TYW1B: variants seen among roughly 807,000 people sequenced by gnomAD.
TYW1B encodes S-adenosyl-L-methionine-dependent tRNA 4-demethylwyosine synthase TYW1B.
A neutral mutation model predicts 86.9 loss-of-function variants in TYW1B; 73 were observed. The ratio of observed to expected loss-of-function variants is 0.84; its 90% CI spans 0.70 to 1.02. The LOEUF (loss-of-function observed/expected upper bound fraction) is 1.02, where lower values mean the gene tolerates loss of function less well. Ranked by LOEUF, TYW1B falls within the 50% of genes least tolerant of loss-of-function variation. TYW1B has a pLI of 0.00. For synonymous variants in TYW1B, 248 were observed against 292.8 expected (o/e 0.85, Z 1.56); for missense variants, 637 against 827.4 (o/e 0.77, Z 2.82).
At chr7:72,821,372 A>G (rs756620409) in intron 2 of TYW1B, among the ~76,000 whole-genome samples, 26 of 152,270 alleles carry the variant, frequency 1.7e-4, no homozygotes, top group Non-Finnish European at 2.8e-4. Context: ...CTGCAAGGAC[A>G]TCTGCCCAGC....
chr7:72,681,788 T>C (rs1813881088), intron 11 of TYW1B, among the ~76,000 whole-genome samples: 1 of 151,556 alleles, frequency 6.6e-6, no homozygotes, highest in Non-Finnish European at 1.5e-5. Context: ...GGTTTCACCG[T>C]GTTAGCCAGG....
chr7:72,809,129 G>A (rs1554477419), intron 4 of TYW1B, among the ~76,000 whole-genome samples: 1 of 139,840 alleles, frequency 7.2e-6, no homozygotes, highest in Non-Finnish European at 1.5e-5. Flanking sequence ...TGCAATCTCC[G>A]CCTCCCAAGT....
intron 11 of TYW1B, among the ~76,000 whole-genome samples, chr7:72,639,391 C>T (rs1554441214): frequency 1.3e-5 from 2 of 151,944 alleles, no homozygotes; most frequent in East Asian, 3.9e-4. Flanking sequence ...GGTCTTGAAC[C>T]CCTGGACTCA....
chr7:72,725,632 G>A (rs1266636316), intron 9 of TYW1B, among the ~76,000 whole-genome samples: 8 of 152,094 alleles, frequency 5.3e-5, no homozygotes, highest in African/African-American at 1.2e-4. Flanking sequence ...TAGATTGCCC[G>A]TCATAATGTG....
Position 72,631,315 on chromosome 7 carries a change from C to T in TYW1B, c.1507-2318G>A, listed in dbSNP as rs543048009. Among the ~76,000 whole-genome samples, 3 of 152,212 alleles carry T rather than the reference C, an allele frequency of 2.0e-5. No homozygotes were observed. In the South Asian group the frequency reaches 6.2e-4, roughly 32 times the overall value. On this transcript the variant is annotated intron_variant, in intron 11 of 13. Transcript: ENST00000620995. Reference sequence around the variant, plus strand: ...CTCACTTGAGGTCAGGAGTTCGAGGCCAGCCTGGTCAACGTGGTGAAACCC... The same window carrying T: ...CTCACTTGAGGTCAGGAGTTCGAGGTCAGCCTGGTCAACGTGGTGAAACCC...
intron 4 of TYW1B, among the ~76,000 whole-genome samples, chr7:72,809,128 C>G (rs1487487068): frequency 1.3e-5 from 2 of 148,564 alleles, no homozygotes; most frequent in Non-Finnish European, 3.0e-5. Flanking sequence ...CTGCAATCTC[C>G]GCCTCCCAAG....
intron 9 of TYW1B, among the ~76,000 whole-genome samples, chr7:72,722,334 T>C (rs534838065): frequency 4.6e-5 from 7 of 152,316 alleles, no homozygotes; most frequent in South Asian, 2.1e-4. Flanking sequence ...GCAGCTTTAG[T>C]ACTGAGGACG....
At chr7:72,584,460 A>ATTT (rs34009372) in intron 13 of TYW1B, among the ~76,000 whole-genome samples, 2 of 142,632 alleles carry the variant, frequency 1.4e-5, no homozygotes, top group Non-Finnish European at 1.5e-5. Context: ...GTATATTCCA[A>ATTT]TTTTTTTTTT....
chr7:72,586,087 T>G (rs148294215), intron 13 of TYW1B, among the ~76,000 whole-genome samples: 4 of 152,184 alleles, frequency 2.6e-5, no homozygotes, highest in Non-Finnish European at 1.5e-5. Flanking sequence ...AGCTGTTATA[T>G]TCATGTATGT....
At chr7:72,722,292 A>G (rs1232040579) in intron 9 of TYW1B, among the ~76,000 whole-genome samples, 1 of 152,198 alleles carries the variant, frequency 6.6e-6, no homozygotes, top group Non-Finnish European at 1.5e-5. Flanking sequence ...AGATAAAAAC[A>G]CCTAGCAATA....
chr7:72,778,012 C>T (rs781863439), intron 6 of TYW1B, among the ~76,000 whole-genome samples: 2 of 152,150 alleles, frequency 1.3e-5, no homozygotes, highest in African/African-American at 4.8e-5. Context: ...AAAGTGAACA[C>T]AATCCCAATG....
At chr7:72,716,416 C>T (rs1786784239) in intron 9 of TYW1B, among the ~76,000 whole-genome samples, 2 of 152,336 alleles carry the variant, frequency 1.3e-5, no homozygotes, top group South Asian at 2.1e-4. Flanking sequence ...GAAACTGATT[C>T]GATCCCAGTC....
At chr7:72,731,823 T>C (rs1787117884) in intron 8 of TYW1B, among the ~76,000 whole-genome samples, 1 of 152,068 alleles carries the variant, frequency 6.6e-6, no homozygotes, top group African/African-American at 2.4e-5. Flanking sequence ...GCACCTGTAA[T>C]CCCAGCTACT....
rs1814273406 is a variant in TYW1B, at chr7:72,694,777, A to G, written c.1416T>C (p.Ser472=). ...VTQLYVSVDA[S]TKDSLKKIDR... ...CGATTTTCTTCAGGCTGTCTTTGGT[A>G]CTGGCATCCACACTGACATACAGCT... Residue 472 remains serine, a synonymous_variant, in exon 11 of 14, where the codon AGT becomes AGC. Transcript: ENST00000620995. 1 of 1,612,832 alleles carries G rather than the reference A, an allele frequency of 6.2e-7. No individual in the cohort carries two copies. Among genetic ancestry groups the G allele is most frequent in the East Asian group, 2.2e-5 (1 of 44,856 alleles).
At chr7:72,759,403 T>G (rs1368551056) in intron 7 of TYW1B, among the ~76,000 whole-genome samples, 5 of 152,250 alleles carry the variant, frequency 3.3e-5, no homozygotes, top group African/African-American at 9.6e-5. Context: ...CTCATGGAAT[T>G]TACAGAATTT....
chr7:72,672,089 G>A (rs1813620780), intron 11 of TYW1B, among the ~76,000 whole-genome samples: 1 of 152,068 alleles, frequency 6.6e-6, no homozygotes, highest in Non-Finnish European at 1.5e-5. Context: ...TCGTGATAGT[G>A]AATAAGTCTC....
intron 2 of TYW1B, among the ~76,000 whole-genome samples, chr7:72,826,477 C>T (rs1358099920): frequency 6.6e-6 from 1 of 152,118 alleles, no homozygotes; most frequent in African/African-American, 2.4e-5. Flanking sequence ...CAAGAAAAAA[C>T]TTTACATACT....
chr7:72,593,031 G>A (rs868920749), intron 13 of TYW1B, among the ~76,000 whole-genome samples: 27 of 152,046 alleles, frequency 1.8e-4, no homozygotes, highest in Non-Finnish European at 8.8e-5. Flanking sequence ...GGATGGGCAC[G>A]GTGGCTCACA....
chr7:72,659,858 G>A (rs1279013032), intron 11 of TYW1B, among the ~76,000 whole-genome samples: 7 of 152,218 alleles, frequency 4.6e-5, no homozygotes, highest in Admixed American at 6.5e-5. Flanking sequence ...GAGGATGAAC[G>A]AGGAAGCCGT....
Sources: gnomAD v4.1 joint callset for allele counts (sites outside exome capture counted in the v4.1 genomes callset) on GRCh38, gnomAD v4.1.1 for gene constraint, MANE v1.5 for transcripts, NCBI Gene and HGNC (gene_info 2026-07-23, HGNC 2026-07-21) for gene names.